Variants in EGLN1 observed in about 807,000 individuals in gnomAD.
EGLN1 encodes egl-9 family hypoxia inducible factor 1.
Under a neutral mutation model 38.3 loss-of-function variants are expected in EGLN1, and 17 were observed. That is an observed-to-expected ratio of 0.44 (90% CI 0.30 to 0.67). The LOEUF is 0.67. EGLN1 is among the 30% of genes least tolerant of loss of function. The pLI is 0.08. For synonymous variants in EGLN1, 283 were observed against 257.5 expected (o/e 1.10, Z -0.95); for missense variants, 477 against 603.3 (o/e 0.79, Z 2.19).
Position 231,371,199 on chromosome 1 carries a change from A to G in EGLN1, c.1012-501T>C, listed in dbSNP as rs546872472. ...GCCACTGTCCCCAGCCATTTTAGGGATTTTTATAAATATCTGATGAAACAC... is the reference window on the plus strand; with the variant it reads ...GCCACTGTCCCCAGCCATTTTAGGGGTTTTTATAAATATCTGATGAAACAC... On this transcript the variant is annotated intron_variant, in intron 2 of 4. Coordinates refer to ENST00000366641, the MANE Select transcript of EGLN1 (RefSeq NM_022051.3). Among the ~76,000 whole-genome samples, 6 of 152,230 alleles carry G rather than the reference A, an allele frequency of 3.9e-5. No individual in the cohort carries two copies. In the East Asian group the frequency reaches 1.2e-3, roughly 29 times the overall value.
rs765418238 is a variant in EGLN1 at position 231,421,001 on chromosome 1, C to G, written c.888G>C (p.Thr296=). The change falls in exon 1 of 5, where the codon ACG becomes ACC. Residue 296 remains threonine (T), a synonymous_variant. Coordinates refer to ENST00000366641, the MANE Select transcript of EGLN1 (RefSeq NM_022051.3). This position sits in a 1 kb window ranked among gnomAD's most constrained non-coding sequence, Gnocchi z 5.5. ...KLGSYKINGR[T]KAMVACYPGN... ...CAAACCCGCAGCACACACTTACTTT[C>G]GTCCGGCCATTGATTTTGTAGCTGC... is the stretch of plus-strand genomic sequence containing the variant. 6.2e-6 allele frequency: 10 copies of G among 1,614,016 alleles called. No individual in the cohort carries two copies. The highest frequency in any genetic ancestry group is 8.5e-6 in the Non-Finnish European group (10 of 1,180,014).
At chr1:231,413,127 G>A (rs1191793603) in intron 1 of EGLN1, among the ~76,000 whole-genome samples, 1 of 152,060 alleles carries the variant, frequency 6.6e-6, no homozygotes, top group Non-Finnish European at 1.5e-5. Flanking sequence ...CCAGGTTGGA[G>A]TGCGGTGGCA....
At position 231,421,400 on chromosome 1, in the gene EGLN1, G is replaced by A. The variant is rs773919305; in HGVS notation, c.489C>T (p.Tyr163=). 1.2e-5 allele frequency: 20 copies of A among 1,600,072 alleles called. No individual in the cohort carries two copies. The African/African-American group carries it at 2.1e-4, about 17-fold the overall frequency. The change falls in exon 1 of 5, where the codon TAC becomes TAT. Residue 163 remains tyrosine (Y), a synonymous_variant. Coordinates refer to ENST00000366641, the MANE Select transcript of EGLN1 (RefSeq NM_022051.3). The surrounding 1 kb of genome is among the most constrained non-coding windows in gnomAD (Gnocchi z 5.5). The part of the protein sequence containing the change: ...SSLFQEKANL[Y]PPSNTPGDAL... ...CATCCCCGGGCGTGTTGCTTGGGGG[G>A]TACAGGTTCGCCTTCTCCTGGAACA... is the stretch of plus-strand genomic sequence containing the variant.
intron 1 of EGLN1, among the ~76,000 whole-genome samples, chr1:231,404,644 C>A (rs1688743997): frequency 6.6e-6 from 1 of 151,990 alleles, no homozygotes; most frequent in African/African-American, 2.4e-5. Context: ...AGAATAAACT[C>A]ATTTGTGTGT....
chr1:231,416,109 C>T (rs1689073386), intron 1 of EGLN1, among the ~76,000 whole-genome samples: 2 of 152,166 alleles, frequency 1.3e-5, no homozygotes, highest in South Asian at 4.1e-4. Flanking sequence ...CCTCAGCCTC[C>T]CAAAGTGCTG....
intron 1 of EGLN1, among the ~76,000 whole-genome samples, chr1:231,411,618 T>G (rs1455771207): frequency 6.6e-6 from 1 of 152,146 alleles, no homozygotes; most frequent in Non-Finnish European, 1.5e-5. Flanking sequence ...TAAAAATTAT[T>G]TCATACCTGA....
At chr1:231,388,156 A>G (rs1485254469) in intron 1 of EGLN1, among the ~76,000 whole-genome samples, 2 of 152,230 alleles carry the variant, frequency 1.3e-5, no homozygotes, top group Non-Finnish European at 2.9e-5. Context: ...ATGGGCCATA[A>G]AACAAAAATT....
intron 1 of EGLN1, among the ~76,000 whole-genome samples, chr1:231,408,420 T>C (rs1461967969): frequency 1.3e-5 from 2 of 152,128 alleles, no homozygotes; most frequent in South Asian, 2.1e-4. Flanking sequence ...TGGTGAGCAT[T>C]AAATGTGTAA....
Position 231,421,760 on chromosome 1 carries a change from G to A in EGLN1, c.129C>T (p.Cys43=). The A allele has an allele frequency of 6.4e-7, 1 of 1,554,642 alleles. No individual in the cohort carries two copies. The highest frequency in any genetic ancestry group is 1.4e-5 in the African/African-American group (1 of 71,812). ...CSRCRSSFYC[C]KEHQRQDWKK... is the part of the protein sequence containing the mutation. ...TCCAGTCCTGACGCTGGTGCTCCTT[G>A]CAGCAGTAGAAGGAGCTGCGGCAGC... The change falls in exon 1 of 5, where the codon TGC becomes TGT. Residue 43 remains cysteine, a synonymous_variant. Transcript: ENST00000366641. This position sits in a 1 kb window ranked among gnomAD's most constrained non-coding sequence, Gnocchi z 5.5.
intron 1 of EGLN1, 81 bp downstream of exon 1, chr1:231,420,917 C>T: frequency 6.2e-7 from 1 of 1,612,094 alleles, no homozygotes. Context: ...TGCTGCTTCT[C>T]AGCCTAGGCA....
intron 1 of EGLN1, among the ~76,000 whole-genome samples, chr1:231,399,923 T>TA (rs1430705712): frequency 1.3e-5 from 2 of 152,162 alleles, no homozygotes; most frequent in Non-Finnish European, 2.9e-5. Context: ...AGTTTAGTTT[T>TA]AGAACATCAC....
intron 3 of EGLN1, chr1:231,369,530 A>G: frequency 1.0e-6 from 1 of 982,678 alleles, no homozygotes; most frequent in Non-Finnish European, 1.2e-6. Flanking sequence ...GTGATGTGAC[A>G]GTCTTTCTTT....
At chr1:231,369,271 C>T (rs1002882177) in intron 3 of EGLN1, among the ~76,000 whole-genome samples, 12 of 152,180 alleles carry the variant, frequency 7.9e-5, no homozygotes, top group African/African-American at 2.9e-4. Context: ...CAATGTAGCA[C>T]CACCTTCGTT....
At chr1:231,387,906 G>A (rs775402325) in intron 1 of EGLN1, among the ~76,000 whole-genome samples, 1 of 152,080 alleles carries the variant, frequency 6.6e-6, no homozygotes, top group Non-Finnish European at 1.5e-5. Flanking sequence ...TCAGTCACCT[G>A]TTTCTTTGAT....
At chr1:231,387,888 C>T (rs909697024) in intron 1 of EGLN1, among the ~76,000 whole-genome samples, 6 of 152,194 alleles carry the variant, frequency 3.9e-5, no homozygotes, top group Non-Finnish European at 7.4e-5. Context: ...CTGCCTCTCA[C>T]CTATTCTTCA....
In EGLN1 at chr1:231,420,560, G is replaced by A. The variant is rs1308461270; in HGVS notation, c.891+438C>T. Among the ~76,000 whole-genome samples, 3 of 152,306 alleles carry A rather than the reference G, an allele frequency of 2.0e-5. No homozygotes were observed. In the East Asian group the frequency reaches 5.8e-4, roughly 29 times the overall value. ...TTGACTCTCAATCGAAATGTGATGA[G>A]TGGTTCAGACACCATAGGAAATTTA... On this transcript the variant is annotated intron_variant, in intron 1 of 4. Coordinates refer to ENST00000366641, the MANE Select transcript of EGLN1 (RefSeq NM_022051.3).
chr1:231,392,810 T>A (rs1244916112), intron 1 of EGLN1, among the ~76,000 whole-genome samples: 1 of 152,232 alleles, frequency 6.6e-6, no homozygotes, highest in Non-Finnish European at 1.5e-5. Flanking sequence ...TTTTCATCCC[T>A]GTCCACGTGT....
At chr1:231,386,258 T>C (rs1358100663) in intron 1 of EGLN1, among the ~76,000 whole-genome samples, 1 of 152,210 alleles carries the variant, frequency 6.6e-6, no homozygotes, top group African/African-American at 2.4e-5. Flanking sequence ...AGAACTCTAG[T>C]TCACAGCATT....
intron 1 of EGLN1, among the ~76,000 whole-genome samples, chr1:231,382,145 C>T (rs1470848457): frequency 6.6e-6 from 1 of 152,196 alleles, no homozygotes; most frequent in Admixed American, 6.5e-5. Flanking sequence ...TACATTCTGG[C>T]ACTTCTTGAG....
Sources: gnomAD v4.1 joint callset for allele counts (sites outside exome capture counted in the v4.1 genomes callset) on GRCh38, gnomAD v4.1.1 for gene constraint, Gnocchi (gnomAD v3.1) non-coding constraint, MANE v1.5 for transcripts, NCBI Gene and HGNC (gene_info 2026-07-23, HGNC 2026-07-21) for gene names.